SGCE: variants seen among roughly 807,000 people sequenced by gnomAD.
SGCE encodes epsilon-sarcoglycan.
A neutral mutation model predicts 57.8 loss-of-function variants in SGCE; 26 were observed. That is an observed-to-expected ratio of 0.45 (90% confidence interval 0.33 to 0.62). The LOEUF is 0.62. Ranked by LOEUF, SGCE falls within the 20% of genes least tolerant of loss-of-function variation. The probability of loss-of-function intolerance (pLI) is 0.02; values close to 1 mark genes in which losing one functional copy is unlikely to be tolerated. For missense variants in SGCE, 468 were observed against 548.6 expected (o/e 0.85, Z 1.47); for synonymous variants, 183 against 189.5 (o/e 0.97, Z 0.28).
Position 94,603,447 on chromosome 7 carries a change from T to A in SGCE, c.668A>T (p.Tyr223Phe). ...CGGGACATCTGCACCAACCATGACA[T>A]AAACGCTGTAAAAATGTGAAACTCT... The part of the protein sequence containing the change: ...LPINDLKEGV[Y>F]VMVGADVPFS... The change falls in exon 6 of 11, where the codon TAT becomes TTT. Residue 223 changes from tyrosine to phenylalanine, a missense_variant. By Grantham distance (22) the Tyr-to-Phe change is conservative. Transcript: ENST00000648936. 1.2e-6 allele frequency: 2 copies of A among 1,612,830 alleles called. No individual in the cohort carries two copies. Among genetic ancestry groups the A allele is most frequent in the Non-Finnish European group, 1.7e-6 (2 of 1,179,156 alleles).
At chr7:94,588,361 A>T (rs1797193707) in intron 10 of SGCE, 2 of 1,130,034 alleles carry the variant, frequency 1.8e-6, no homozygotes. Context: ...CAAATCCTGG[A>T]TGCATCCAAG....
At position 94,629,716 on chromosome 7, in the gene SGCE, T is replaced by C. The variant is rs2116971996; in HGVS notation, c.232+3A>G. On this transcript the variant is annotated splice_donor_region_variant and intron_variant, in intron 2 of 10. Transcript: ENST00000648936. ...TGCTTTTTTTTCCTCACAAAGAACA[T>C]ACCAGGTTTTGGGTAAGGTGGAAAT... The C allele has an allele frequency of 6.2e-7, 1 of 1,610,788 alleles. No homozygotes were observed. Among genetic ancestry groups the C allele is most frequent in the African/African-American group, 1.3e-5 (1 of 74,870 alleles).
intron 10 of SGCE, among the ~76,000 whole-genome samples, chr7:94,586,084 AAAAC>A: frequency 6.6e-6 from 1 of 150,866 alleles, no homozygotes; most frequent in Non-Finnish European, 1.5e-5. Context: ...AAAAAAAAAA[AAAAC>A]AACAACTTCA....
At chr7:94,655,931 G>A (rs1808597336) in intron 1 of SGCE, 59 bp downstream of exon 1, 2 of 1,111,016 alleles carry the variant, frequency 1.8e-6, no homozygotes, top group Non-Finnish European at 2.7e-6. Context: ...CCGAGCGGGG[G>A]AGGGGGAGGC....
intron 5 of SGCE, among the ~76,000 whole-genome samples, chr7:94,605,374 T>C (rs1799954827): frequency 6.6e-6 from 1 of 152,176 alleles, no homozygotes; most frequent in Admixed American, 6.5e-5. Context: ...TAAGTGAAGA[T>C]AAAACCTTTT....
rs551219144 is a variant in SGCE at position 94,612,255 on chromosome 7, G to GT, written c.662+6502dup. Among the ~76,000 whole-genome samples the GT allele has an allele frequency of 3.0e-4, 45 of 151,778 alleles. 2 individuals carry two copies. Among genetic ancestry groups the GT allele is most frequent in the African/African-American group, 7.7e-4 (32 of 41,390 alleles). On this transcript the variant is annotated intron_variant, in intron 5 of 10. Coordinates refer to ENST00000648936, the MANE Select transcript of SGCE (RefSeq NM_003919.3). Reference sequence around the variant, plus strand: ...ATAAGAGATTTTCATGCTTTGAAATGTTTTTTTTCTTAAATTATAAAACCA... The same window carrying GT: ...ATAAGAGATTTTCATGCTTTGAAATGTTTTTTTTTCTTAAATTATAAAACCA...
intron 1 of SGCE, among the ~76,000 whole-genome samples, chr7:94,648,299 C>A (rs530620815): frequency 1.4e-5 from 2 of 147,694 alleles, no homozygotes. Context: ...CACTTGAACC[C>A]GGGAGGCGGA....
rs747719029 is a variant in SGCE, at chr7:94,598,742, T to C, written c.1253+33A>G. ...AGATATTAGTAAAAATATACATGCATATTAATAATTATGGCTCTAAGTGGA... is the reference window on the plus strand; with the variant it reads ...AGATATTAGTAAAAATATACATGCACATTAATAATTATGGCTCTAAGTGGA... On this transcript the variant is annotated intron_variant, in intron 9 of 10. Transcript: ENST00000648936. The C allele has an allele frequency of 1.1e-5, 15 of 1,363,776 alleles. No individual in the cohort carries two copies. The African/African-American group carries it at 2.0e-4, about 18-fold the overall frequency. 84.5% of individuals were successfully genotyped at this position (1,363,776 alleles called of 1,614,324 possible).
intron 1 of SGCE, among the ~76,000 whole-genome samples, chr7:94,634,256 G>T (rs1805203890): frequency 6.6e-6 from 1 of 152,066 alleles, no homozygotes; most frequent in African/African-American, 2.4e-5. Context: ...GAAATGAATT[G>T]TTCCACAGAG....
chr7:94,646,062 A>G (rs1807025914), intron 1 of SGCE, among the ~76,000 whole-genome samples: 1 of 152,184 alleles, frequency 6.6e-6, no homozygotes, highest in Non-Finnish European at 1.5e-5. Flanking sequence ...AAACTCCACT[A>G]CACTCGTTGT....
intron 1 of SGCE, among the ~76,000 whole-genome samples, chr7:94,638,936 G>C (rs966178801): frequency 6.6e-5 from 10 of 152,112 alleles, no homozygotes; most frequent in Non-Finnish European, 1.3e-4. Flanking sequence ...ACCAAAATAT[G>C]AGTTTTTCCA....
At position 94,611,287 on chromosome 7, in the gene SGCE, C is replaced by A. The variant is rs146181343; in HGVS notation, c.662+7471G>T. Among the ~76,000 whole-genome samples the A allele has an allele frequency of 4.3e-4, 66 of 152,138 alleles. 1 individual carries two copies. The highest frequency in any genetic ancestry group is 3.4e-3 in the Middle Eastern group (1 of 294). On this transcript the variant is annotated intron_variant, in intron 5 of 10. Transcript: ENST00000648936. ...AATGGATAAACAAAAGATGGCATATCCATAAAATAGAATATTATTCCATGA... is the reference window on the plus strand; with the variant it reads ...AATGGATAAACAAAAGATGGCATATACATAAAATAGAATATTATTCCATGA...
intron 8 of SGCE, 197 bp from the exon 9 acceptor site, chr7:94,599,160 CT>C (rs1330170879): frequency 1.9e-6 from 1 of 539,384 alleles, no homozygotes; most frequent in Non-Finnish European, 3.3e-6. Flanking sequence ...AAATTATAAA[CT>C]GATTTTAAAA....
At chr7:94,647,718 C>A (rs536986362) in intron 1 of SGCE, among the ~76,000 whole-genome samples, 1 of 152,292 alleles carries the variant, frequency 6.6e-6, no homozygotes, top group Admixed American at 6.5e-5. Flanking sequence ...TTTCTGTTGA[C>A]CATATTCAAC....
At chr7:94,641,945 G>A (rs34731098) in intron 1 of SGCE, among the ~76,000 whole-genome samples, 19,455 of 151,970 alleles carry the variant, frequency 0.13, 1,501 homozygotes, top group South Asian at 0.25. Context: ...CACTGCAACC[G>A]GCTAAAACCG....
intron 5 of SGCE, among the ~76,000 whole-genome samples, chr7:94,607,437 A>G (rs1314654372): frequency 3.9e-5 from 6 of 152,336 alleles, no homozygotes; most frequent in South Asian, 2.1e-4. Context: ...TCAACAATGT[A>G]TAAAAGGAAT....
intron 5 of SGCE, among the ~76,000 whole-genome samples, chr7:94,611,522 G>C (rs1801035785): frequency 1.3e-5 from 2 of 152,180 alleles, no homozygotes; most frequent in Admixed American, 6.5e-5. Context: ...TGGGTACAAG[G>C]GTGGGTGTGT....
At chr7:94,604,017 T>TG (rs1429079618) in intron 5 of SGCE, among the ~76,000 whole-genome samples, 1 of 152,168 alleles carries the variant, frequency 6.6e-6, no homozygotes, top group Non-Finnish European at 1.5e-5. Flanking sequence ...TAGAAGGCCT[T>TG]GCAATCTTTT....
intron 1 of SGCE, among the ~76,000 whole-genome samples, chr7:94,653,670 A>G (rs983881999): frequency 1.3e-5 from 2 of 151,988 alleles, no homozygotes; most frequent in Non-Finnish European, 2.9e-5. Context: ...TTGGATAACA[A>G]AAAGGTTTTA....
Sources: allele counts gnomAD v4.1 joint callset (sites outside exome capture counted in the v4.1 genomes callset), GRCh38; gene constraint gnomAD v4.1.1; transcripts MANE v1.5; gene names NCBI Gene and HGNC (gene_info 2026-07-23, HGNC 2026-07-21).